Variants in STAG1 observed in about 807,000 individuals in gnomAD.
STAG1 encodes cohesin subunit SA-1.
STAG1 carries 26 observed loss-of-function variants against 170.9 expected under a neutral mutation model. That is an observed-to-expected ratio of 0.15 (90% CI 0.11 to 0.21). The LOEUF (loss-of-function observed/expected upper bound fraction) is 0.21, where lower values mean the gene tolerates loss of function less well. STAG1 is among the 10% of genes least tolerant of loss of function. STAG1 has a pLI of 1.00. For missense variants in STAG1, 964 were observed against 1,509.5 expected, an observed-to-expected ratio of 0.64 and a Z score of 5.99; for synonymous variants, 514 against 497.7, an observed-to-expected ratio of 1.03 and a Z score of -0.44.
At chr3:136,598,978 G>A (rs1316499332) in intron 4 of STAG1, among the ~76,000 whole-genome samples, 1 of 151,980 alleles carries the variant, frequency 6.6e-6, no homozygotes, top group East Asian at 1.9e-4. Flanking sequence ...AAATTTGTCT[G>A]GAAATTTCTC....
At chr3:136,507,831 G>A in intron 7 of STAG1, among the ~76,000 whole-genome samples, 1 of 152,100 alleles carries the variant, frequency 6.6e-6, no homozygotes, top group Non-Finnish European at 1.5e-5. Flanking sequence ...GATATTTGCA[G>A]TTTAGCTTTC....
At chr3:136,539,087 T>C (rs1935774717) in intron 6 of STAG1, among the ~76,000 whole-genome samples, 1 of 151,790 alleles carries the variant, frequency 6.6e-6, no homozygotes, top group Non-Finnish European at 1.5e-5. Flanking sequence ...TGAGCCGAGA[T>C]TGCATCATTG....
At chr3:136,465,786 T>A (rs2089438163) in intron 12 of STAG1, among the ~76,000 whole-genome samples, 1 of 151,996 alleles carries the variant, frequency 6.6e-6, no homozygotes, top group Non-Finnish European at 1.5e-5. Flanking sequence ...CTAAATACTA[T>A]TCTAACAAAA....
intron 1 of STAG1, among the ~76,000 whole-genome samples, chr3:136,728,268 TA>T (rs1300046519): frequency 6.6e-6 from 1 of 152,236 alleles, no homozygotes; most frequent in Admixed American, 6.5e-5. Flanking sequence ...AAATAAACTA[TA>T]AAGTACCACA....
chr3:136,427,237 A>T (rs1030280274), intron 16 of STAG1, among the ~76,000 whole-genome samples: 1 of 152,086 alleles, frequency 6.6e-6, no homozygotes, highest in Admixed American at 6.6e-5. Context: ...TCAAAAAAAA[A>T]AAAAAGATAT....
At chr3:136,524,972 T>A (rs1196233461) in intron 6 of STAG1, among the ~76,000 whole-genome samples, 2 of 152,222 alleles carry the variant, frequency 1.3e-5, no homozygotes, top group Non-Finnish European at 2.9e-5. Context: ...ATGAACTTTT[T>A]GATGTGCTGC....
chr3:136,565,554 T>C (rs1246897022), intron 5 of STAG1, among the ~76,000 whole-genome samples: 1 of 152,126 alleles, frequency 6.6e-6, no homozygotes, highest in Non-Finnish European at 1.5e-5. Context: ...TGTAGAAAAA[T>C]AGGAATCCTC....
intron 1 of STAG1, among the ~76,000 whole-genome samples, chr3:136,633,629 G>A (rs1940419141): frequency 6.8e-6 from 1 of 146,410 alleles, no homozygotes. Flanking sequence ...GAACTCGGAA[G>A]GCAGAGGTTG....
rs899618490 is a variant in STAG1, at chr3:136,736,851, A to G, written c.-84+15344T>C. 7 of 1,582,028 alleles carry G rather than the reference A, an allele frequency of 4.4e-6. No homozygotes were observed. The African/African-American group carries it at 6.8e-5, about 15-fold the overall frequency. On this transcript the variant is annotated intron_variant, in intron 1 of 33. Transcript: ENST00000383202. ...TTCTTTGTTTTTTTCGCTCTTTCAC[A>G]GTGTGGTCAACGTATTCTTTTCCTG...
chr3:136,691,784 T>C (rs1370573268), intron 1 of STAG1, among the ~76,000 whole-genome samples: 2 of 152,220 alleles, frequency 1.3e-5, no homozygotes, highest in African/African-American at 4.8e-5. Flanking sequence ...CAACACCATC[T>C]TCCTTACAAG....
rs767401141 is a variant in STAG1, at chr3:136,418,360, CAAAAAAAAAAAAAAAAAAAAAAAA to C, written c.2109-412_2109-389del. Among the ~76,000 whole-genome samples the C allele has an allele frequency of 3.7e-3, 185 of 49,752 alleles. 2 individuals carry two copies. The highest frequency in any genetic ancestry group is 3.2e-3 in the South Asian group (4 of 1,244). The allele number at this position is 49,752 out of a possible 152,430, so 32.6% of individuals were successfully genotyped here. A position where few individuals can be genotyped will look rare whatever the true frequency, so the allele number is the denominator to read the frequency against. ...GGGTAACTGAGCAAGACTCTGTCTCCAAAAAAAAAAAAAAAAAAAAAAAAAAAAAAAAAAAAAAAAGGTTTTTTT... is the reference window on the plus strand; with the variant it reads ...GGGTAACTGAGCAAGACTCTGTCTCCAAAAAAAAAAAAAAAAGGTTTTTTT... On this transcript the variant is annotated intron_variant, in intron 20 of 33. Transcript: ENST00000383202.
chr3:136,686,248 A>G (rs1942516136), intron 1 of STAG1, among the ~76,000 whole-genome samples: 1 of 152,076 alleles, frequency 6.6e-6, no homozygotes, highest in Non-Finnish European at 1.5e-5. Context: ...CACATAATCG[A>G]TTTTCACATT....
chr3:136,461,672 T>C (rs1003458698), intron 13 of STAG1, among the ~76,000 whole-genome samples: 3 of 150,078 alleles, frequency 2.0e-5, no homozygotes, highest in African/African-American at 2.4e-5. Context: ...AAGACCTCAA[T>C]AGCATGGGCA....
rs553600326 is a variant in STAG1, at chr3:136,627,097, C to T, written c.29+3773G>A. ...TCAGCAGTATTGTTTATTGATGCCCCTACCAAGAGTCAGAAAAGTACAATT... is the reference window on the plus strand; with the variant it reads ...TCAGCAGTATTGTTTATTGATGCCCTTACCAAGAGTCAGAAAAGTACAATT... On this transcript the variant is annotated intron_variant, in intron 2 of 33. Coordinates refer to ENST00000383202, the MANE Select transcript of STAG1 (RefSeq NM_005862.3). Among the ~76,000 whole-genome samples the T allele has an allele frequency of 6.6e-4, 100 of 152,276 alleles. 1 individual carries two copies. Among genetic ancestry groups the T allele is most frequent in the African/African-American group, 2.1e-3 (88 of 41,552 alleles).
intron 7 of STAG1, among the ~76,000 whole-genome samples, chr3:136,519,443 C>T (rs543131626): frequency 6.6e-6 from 1 of 152,026 alleles, no homozygotes; most frequent in African/African-American, 2.4e-5. Context: ...CCTTGGGAAA[C>T]CCAGATAATA....
intron 4 of STAG1, chr3:136,591,606 G>C (rs577939350): frequency 2.6e-6 from 1 of 384,448 alleles, no homozygotes; most frequent in African/African-American, 2.2e-5. Context: ...CATATGTATT[G>C]GTGGTATAAC....
intron 9 of STAG1, among the ~76,000 whole-genome samples, chr3:136,479,066 TTTTTTTTTTTAA>T (rs2089845771): frequency 6.6e-6 from 1 of 150,584 alleles, no homozygotes; most frequent in South Asian, 2.1e-4. Context: ...CTTTCTTTTT[TTTTTTTTTTTAA>T]TTTTTTTTTT....
Position 136,693,758 on chromosome 3 carries a change from C to T in STAG1, c.-84+58437G>A, listed in dbSNP as rs536707723. ...TAATTATTTTTTTTTTTTTAAGAGA[C>T]GGGGTCTCATTATGTTGCCAGGCTG... is the stretch of plus-strand genomic sequence containing the variant. On this transcript the variant is annotated intron_variant, in intron 1 of 33. Transcript: ENST00000383202. Among the ~76,000 whole-genome samples, 45 of 151,386 alleles carry T rather than the reference C, an allele frequency of 3.0e-4. No homozygotes were observed. The South Asian group carries it at 3.1e-3, about 11-fold the overall frequency.
intron 4 of STAG1, among the ~76,000 whole-genome samples, chr3:136,577,237 G>GT (rs1230620003): frequency 3.9e-5 from 6 of 152,156 alleles, no homozygotes; most frequent in Admixed American, 3.3e-4. Flanking sequence ...AGCTTAAGTC[G>GT]TAATTTGAGA....
Sources: allele counts gnomAD v4.1 joint callset (sites outside exome capture counted in the v4.1 genomes callset), GRCh38; gene constraint gnomAD v4.1.1; transcripts MANE v1.5; gene names NCBI Gene and HGNC (gene_info 2026-07-23, HGNC 2026-07-21).